The following GALNTL6 variants were observed in gnomAD, a reference collection of about 807,000 sequenced individuals.
GALNTL6 encodes polypeptide N-acetylgalactosaminyltransferase-like 6.
In GALNTL6, 46 loss-of-function variants were observed where a neutral mutation model predicts 73.7. The observed-to-expected ratio is 0.62, with a 90% confidence interval of 0.49 to 0.80. GALNTL6 has a LOEUF of 0.80. GALNTL6 is among the 30% of genes least tolerant of loss of function. The pLI is 0.00. For synonymous variants in GALNTL6, 259 were observed against 263.7 expected (o/e 0.98, Z 0.17); for missense variants, 604 against 755.0 (o/e 0.80, Z 2.34).
intron 2 of GALNTL6, among the ~76,000 whole-genome samples, chr4:171,968,472 C>A (rs1157628166): frequency 6.6e-6 from 1 of 152,170 alleles, no homozygotes; most frequent in Non-Finnish European, 1.5e-5. Flanking sequence ...ATGTTTGTGT[C>A]CTTTCTTCCT....
chr4:172,505,365 C>T lies in GALNTL6; in HGVS notation c.553+156676C>T, dbSNP rs183585735. On this transcript the variant is annotated intron_variant, in intron 5 of 12. Transcript: ENST00000506823. The stretch of plus-strand genomic sequence containing the variant: ...TATCAAAAAGTCATTTCTCCATAGA[C>T]CAGGGATGTTTTAACCAATGCCACT... 3.6e-3 allele frequency among the ~76,000 whole-genome samples: 199 copies of T among 54,800 alleles called. 78 individuals carry two copies. Among genetic ancestry groups the T allele is most frequent in the African/African-American group, 8.8e-3 (194 of 21,946 alleles). 36.0% of individuals were successfully genotyped at this position (54,800 alleles called of 152,430 possible). A position where few individuals can be genotyped will look rare whatever the true frequency, so the allele number is the denominator to read the frequency against.
chr4:172,058,646 A>C (rs529504405), intron 2 of GALNTL6, among the ~76,000 whole-genome samples: 1 of 152,216 alleles, frequency 6.6e-6, no homozygotes, highest in African/African-American at 2.4e-5. Flanking sequence ...ATCGCCAAAT[A>C]ATATCTATAC....
At chr4:172,321,457 ACTGT>A (rs1169522474) in intron 4 of GALNTL6, among the ~76,000 whole-genome samples, 1 of 152,184 alleles carries the variant, frequency 6.6e-6, no homozygotes, top group Admixed American at 6.5e-5. Context: ...GGTAATACAA[ACTGT>A]CTGTGAGAGA....
At chr4:172,495,241 A>G (rs1734032466) in intron 5 of GALNTL6, among the ~76,000 whole-genome samples, 1 of 152,220 alleles carries the variant, frequency 6.6e-6, no homozygotes, top group African/African-American at 2.4e-5. Context: ...GGACAAATCT[A>G]TGACAAAGCA....
At chr4:172,290,880 C>A (rs1192335646) in intron 3 of GALNTL6, among the ~76,000 whole-genome samples, 2 of 150,100 alleles carry the variant, frequency 1.3e-5, no homozygotes, top group East Asian at 3.9e-4. Context: ...TTAAGAAAAC[C>A]CACATAAAAA....
In GALNTL6 at chr4:172,334,372, T is replaced by C. The variant is rs373041731; in HGVS notation, c.387-14151T>C. On this transcript the variant is annotated intron_variant, in intron 4 of 12. Transcript: ENST00000506823. Reference sequence around the variant, plus strand: ...GTCATTTTAATGACATCAATTCTTCTGACCCATAAGTATAGTATATTTTTC... The same window carrying C: ...GTCATTTTAATGACATCAATTCTTCCGACCCATAAGTATAGTATATTTTTC... Among the ~76,000 whole-genome samples, 8 of 152,224 alleles carry C rather than the reference T, an allele frequency of 5.3e-5. No individual in the cohort carries two copies. In the East Asian group the frequency reaches 1.5e-3, roughly 29 times the overall value.
At chr4:171,976,780 G>T (rs929230335) in intron 2 of GALNTL6, among the ~76,000 whole-genome samples, 1 of 152,134 alleles carries the variant, frequency 6.6e-6, no homozygotes, top group Non-Finnish European at 1.5e-5. Context: ...TGAATGAAAG[G>T]TTTGGAAAAT....
At chr4:172,768,005 A>T (rs1156964485) in intron 5 of GALNTL6, among the ~76,000 whole-genome samples, 2 of 152,118 alleles carry the variant, frequency 1.3e-5, no homozygotes, top group African/African-American at 4.8e-5. Flanking sequence ...AAGAGGTATA[A>T]AGAAGGCTAG....
chr4:172,679,212 A>G (rs1172993077), intron 5 of GALNTL6, among the ~76,000 whole-genome samples: 1 of 152,094 alleles, frequency 6.6e-6, no homozygotes, highest in African/African-American at 2.4e-5. Context: ...AGGAGTTCAA[A>G]ACCAGCCTGG....
chr4:171,832,815 C>G (rs28469717), intron 2 of GALNTL6, among the ~76,000 whole-genome samples: 24,096 of 151,546 alleles, frequency 0.16, 2,036 homozygotes, highest in South Asian at 0.28. Context: ...AGTAGGTCTA[C>G]ACTAGCTGGT....
intron 3 of GALNTL6, among the ~76,000 whole-genome samples, chr4:172,305,956 G>A (rs957458591): frequency 6.6e-6 from 1 of 152,202 alleles, no homozygotes; most frequent in Non-Finnish European, 1.5e-5. Flanking sequence ...TAATGAATGT[G>A]TAGCTTCAAA....
intron 10 of GALNTL6, among the ~76,000 whole-genome samples, chr4:172,985,718 G>A (rs1751261326): frequency 6.6e-6 from 1 of 152,228 alleles, no homozygotes; most frequent in Non-Finnish European, 1.5e-5. Flanking sequence ...CTTTTATGCT[G>A]AGTCAGTTCC....
chr4:172,251,298 G>A (rs1163157527), intron 3 of GALNTL6, among the ~76,000 whole-genome samples: 1 of 152,086 alleles, frequency 6.6e-6, no homozygotes, highest in African/African-American at 2.4e-5. Flanking sequence ...ATTAAAGCAG[G>A]TGGGGAGTAA....
chr4:172,279,434 A>G (rs778164645), intron 3 of GALNTL6, among the ~76,000 whole-genome samples: 2 of 152,210 alleles, frequency 1.3e-5, no homozygotes, highest in African/African-American at 2.4e-5. Flanking sequence ...AAGCAGATAT[A>G]CAAAATATCA....
At chr4:172,314,516 T>C (rs1578945847) in intron 4 of GALNTL6, among the ~76,000 whole-genome samples, 2 of 152,086 alleles carry the variant, frequency 1.3e-5, no homozygotes, top group Non-Finnish European at 2.9e-5. Context: ...ATCATGGTTT[T>C]ATATGTTTTG....
chr4:172,029,891 C>T (rs6845826), intron 2 of GALNTL6, among the ~76,000 whole-genome samples: 149,911 of 152,214 alleles, frequency 0.98, 73,856 homozygotes, highest in Middle Eastern at 1. Flanking sequence ...CTATAGGTAA[C>T]AGTGCAATAA....
At chr4:172,503,525 A>AGTATATATAT (rs1251204025) in intron 5 of GALNTL6, among the ~76,000 whole-genome samples, 1 of 14,924 alleles carries the variant, frequency 6.7e-5, no homozygotes, top group African/African-American at 2.5e-4. Flanking sequence ...TACATAGAGT[A>AGTATATATAT]GTATATATAT....
intron 2 of GALNTL6, among the ~76,000 whole-genome samples, chr4:171,839,530 A>G (rs1735188202): frequency 6.6e-6 from 1 of 151,938 alleles, no homozygotes; most frequent in African/African-American, 2.4e-5. Flanking sequence ...TGGTAACTCT[A>G]CTTATGGCCC....
intron 2 of GALNTL6, among the ~76,000 whole-genome samples, chr4:172,182,056 C>T (rs1735264737): frequency 6.6e-6 from 1 of 152,162 alleles, no homozygotes; most frequent in Non-Finnish European, 1.5e-5. Context: ...GCAACTTCAG[C>T]AAAGTCTCAG....
Sources: gnomAD v4.1 joint callset for allele counts (sites outside exome capture counted in the v4.1 genomes callset) on GRCh38, gnomAD v4.1.1 for gene constraint, MANE v1.5 for transcripts, NCBI Gene and HGNC (gene_info 2026-07-23, HGNC 2026-07-21) for gene names.